The following SLF1 variants were observed in gnomAD, a reference collection of about 807,000 sequenced individuals.
The protein encoded by SLF1 is SMC5/6 complex localization factor 1.
Under a neutral mutation model 123.0 loss-of-function variants are expected in SLF1, and 105 were observed. The ratio of observed to expected loss-of-function variants is 0.85; its 90% confidence interval spans 0.73 to 1.00. The LOEUF is 1.00. Among genes scored for constraint, SLF1 ranks in the 50% least tolerant of loss-of-function variants. The pLI, the probability that SLF1 is intolerant of heterozygous loss-of-function variation, is 0.00. For synonymous variants in SLF1, 434 were observed against 406.6 expected, an observed-to-expected ratio of 1.07 and a Z score of -0.81; for missense variants, 1,239 against 1,223.0, an observed-to-expected ratio of 1.01 and a Z score of -0.20.
At chr5:94,638,990 C>A (rs1328963899) in intron 4 of SLF1, among the ~76,000 whole-genome samples, 1 of 143,190 alleles carries the variant, frequency 7.0e-6, no homozygotes, top group East Asian at 2.1e-4. Context: ...TGAATTAAAT[C>A]TAGTATCTTG....
At position 94,682,766 on chromosome 5, in the gene SLF1, G is replaced by A. The variant is rs1379442991; in HGVS notation, c.1976-3807G>A. 2.6e-5 allele frequency among the ~76,000 whole-genome samples: 4 copies of A among 152,098 alleles called. No individual in the cohort carries two copies. In the South Asian group the frequency reaches 8.3e-4, roughly 31 times the overall value. ...AGAAATTTTCTTTTCTGTATTTTAA[G>A]CTCAAATTATCTGAAATTTCTTTTT... On this transcript the variant is annotated intron_variant, in intron 15 of 20. Transcript: ENST00000265140.
At chr5:94,626,949 A>G (rs1792303138) in intron 1 of SLF1, among the ~76,000 whole-genome samples, 1 of 152,226 alleles carries the variant, frequency 6.6e-6, no homozygotes, top group Non-Finnish European at 1.5e-5. Flanking sequence ...CTTCAAAACT[A>G]TAAGCAAGGA....
rs1156594633 is a variant in SLF1 at position 94,696,922 on chromosome 5, CTT to C, written c.*1613_*1614del. The C allele has an allele frequency of 6.6e-6, 1 of 151,786 alleles. No individual in the cohort carries two copies. Among genetic ancestry groups the C allele is most frequent in the Non-Finnish European group, 1.5e-5 (1 of 67,854 alleles). The allele number at this position is 151,786 out of a possible 1,614,324, so 9.4% of individuals were successfully genotyped here. On this transcript the variant is annotated 3_prime_UTR_variant, in exon 21 of 21. Coordinates refer to ENST00000265140, the MANE Select transcript of SLF1 (RefSeq NM_032290.4). ...ATTTCCTTTCTAATTCTTACCTCCT[CTT>C]TTGATTATAATGAATCATTTAGACA...
intron 10 of SLF1, among the ~76,000 whole-genome samples, chr5:94,662,904 T>C (rs1749298279): frequency 6.6e-6 from 1 of 152,224 alleles, no homozygotes. Context: ...AGGTAGTTAC[T>C]TTTATTATTA....
At chr5:94,653,190 T>C (rs550283842) in intron 7 of SLF1, 82 bp from the exon 8 acceptor site, 2 of 1,299,314 alleles carry the variant, frequency 1.5e-6, no homozygotes. Flanking sequence ...TATGAAAGTA[T>C]GAAAGTCACT....
chr5:94,664,559 G>T (rs6893587), intron 11 of SLF1, among the ~76,000 whole-genome samples: 2 of 152,078 alleles, frequency 1.3e-5, no homozygotes, highest in East Asian at 3.9e-4. Flanking sequence ...TTCAAAGATC[G>T]CTTTCTAATC....
At chr5:94,653,492 A>G in intron 8 of SLF1, 71 bp downstream of exon 8, 1 of 1,251,992 alleles carries the variant, frequency 8.0e-7, no homozygotes, top group Non-Finnish European at 1.1e-6. Flanking sequence ...ATCTAGATAT[A>G]TAATGCTACA....
intron 12 of SLF1, among the ~76,000 whole-genome samples, chr5:94,666,858 T>C (rs764519822): frequency 1.3e-5 from 2 of 151,940 alleles, no homozygotes; most frequent in Non-Finnish European, 2.9e-5. Flanking sequence ...TTGGCCAGGC[T>C]GGTCTCGAAT....
At chr5:94,651,660 T>C in intron 6 of SLF1, 42 bp from the exon 7 acceptor site, 2 of 1,447,580 alleles carry the variant, frequency 1.4e-6, no homozygotes, top group South Asian at 2.9e-5. Context: ...AAGGCTATAT[T>C]TAATCCACAG....
chr5:94,684,698 A>C (rs1561473722), intron 15 of SLF1, among the ~76,000 whole-genome samples: 1 of 28,124 alleles, frequency 3.6e-5, no homozygotes, highest in African/African-American at 2.5e-4. Flanking sequence ...ACTCTGTCTC[A>C]AAAAAAAAAA....
chr5:94,624,086 C>T (rs1792026670), intron 1 of SLF1, among the ~76,000 whole-genome samples: 1 of 152,088 alleles, frequency 6.6e-6, no homozygotes, highest in Admixed American at 6.5e-5. Context: ...ATTCCTGATT[C>T]TGTTAAAGTT....
At chr5:94,638,425 G>T (rs369215592) in intron 4 of SLF1, among the ~76,000 whole-genome samples, 5 of 152,012 alleles carry the variant, frequency 3.3e-5, no homozygotes, top group East Asian at 3.9e-4. Flanking sequence ...TGATCTGCCC[G>T]CCTCGGCCTC....
intron 3 of SLF1, chr5:94,629,643 C>G (rs1487545798): frequency 6.6e-6 from 1 of 152,300 alleles, no homozygotes; most frequent in Non-Finnish European, 1.5e-5. Flanking sequence ...GTCTTCTCCT[C>G]TATCGTTTTG....
chr5:94,686,158 A>T (rs1752410347), intron 15 of SLF1, among the ~76,000 whole-genome samples: 1 of 152,224 alleles, frequency 6.6e-6, no homozygotes. Context: ...TGATCATTGC[A>T]AATTAAATAC....
intron 14 of SLF1, among the ~76,000 whole-genome samples, chr5:94,672,192 G>GT (rs1561462318): frequency 2.6e-5 from 4 of 152,004 alleles, no homozygotes; most frequent in African/African-American, 9.7e-5. Context: ...ATGACTACTA[G>GT]TTATGATCCT....
chr5:94,674,279 C>A (rs1200382941), intron 14 of SLF1, among the ~76,000 whole-genome samples: 1 of 152,034 alleles, frequency 6.6e-6, no homozygotes, highest in Admixed American at 6.6e-5. Context: ...TAAGAAATTA[C>A]TTAAGAAGCT....
At chr5:94,687,588 G>A (rs1251394480) in intron 16 of SLF1, among the ~76,000 whole-genome samples, 3 of 152,030 alleles carry the variant, frequency 2.0e-5, no homozygotes, top group Non-Finnish European at 2.9e-5. Context: ...CCAGCTACTC[G>A]GGAGGCTGAG....
chr5:94,669,391 T>A (rs952255686), intron 12 of SLF1, among the ~76,000 whole-genome samples: 1 of 152,118 alleles, frequency 6.6e-6, no homozygotes, highest in African/African-American at 2.4e-5. Context: ...GTTGATATAA[T>A]CAATAAGAAA....
intron 4 of SLF1, among the ~76,000 whole-genome samples, chr5:94,641,519 A>G (rs931219636): frequency 1.9e-4 from 29 of 152,216 alleles, no homozygotes; most frequent in Admixed American, 2.0e-4. Flanking sequence ...ATCACCATCA[A>G]TGCATCACTT....
Sources: allele counts gnomAD v4.1 joint callset (sites outside exome capture counted in the v4.1 genomes callset), GRCh38; gene constraint gnomAD v4.1.1; transcripts MANE v1.5; gene names NCBI Gene and HGNC (gene_info 2026-07-23, HGNC 2026-07-21).